Variants in KDM2B observed in about 807,000 individuals in gnomAD.
KDM2B encodes the protein lysine demethylase 2B.
Under a neutral mutation model 150.0 loss-of-function variants are expected in KDM2B, and 26 were observed. The ratio of observed to expected loss-of-function variants is 0.17; its 90% CI spans 0.13 to 0.24. The LOEUF (loss-of-function observed/expected upper bound fraction) is 0.24. Among genes scored for constraint, KDM2B ranks in the 10% least tolerant of loss-of-function variants. The pLI is 1.00. For missense variants in KDM2B, 1,265 were observed against 1,816.9 expected, an observed-to-expected ratio of 0.70 and a Z score of 5.52; for synonymous variants, 734 against 729.5, an observed-to-expected ratio of 1.01 and a Z score of -0.10.
At chr12:121,472,118 GT>G (rs1880835032) in intron 12 of KDM2B, among the ~76,000 whole-genome samples, 1 of 152,108 alleles carries the variant, frequency 6.6e-6, no homozygotes, top group Non-Finnish European at 1.5e-5. Context: ...GCAACACCCT[GT>G]CTCAAAAAAA....
intron 8 of KDM2B, among the ~76,000 whole-genome samples, chr12:121,526,793 A>T (rs1190864130): frequency 6.6e-6 from 1 of 152,052 alleles, no homozygotes; most frequent in Non-Finnish European, 1.5e-5. Flanking sequence ...GCACTTGGGG[A>T]GGCCGAGGCG....
chr12:121,554,086 A>ACACACAC (rs1566411557), intron 4 of KDM2B, among the ~76,000 whole-genome samples: 1 of 88,360 alleles, frequency 1.1e-5, no homozygotes, highest in Non-Finnish European at 2.7e-5. Flanking sequence ...CACACACACA[A>ACACACAC]ATTGGCCAAG....
intron 4 of KDM2B, among the ~76,000 whole-genome samples, chr12:121,553,250 A>C (rs553733983): frequency 6.1e-4 from 93 of 151,238 alleles, no homozygotes; most frequent in African/African-American, 1.6e-3. Context: ...AAAGAAAGAA[A>C]GAACCCCGGT....
At chr12:121,566,014 T>G (rs1890683258) in intron 4 of KDM2B, among the ~76,000 whole-genome samples, 1 of 151,880 alleles carries the variant, frequency 6.6e-6, no homozygotes, top group Non-Finnish European at 1.5e-5. Context: ...CTTGACCTCA[T>G]CTTCCACCAA....
At chr12:121,475,322 C>T (rs1449530170) in intron 12 of KDM2B, among the ~76,000 whole-genome samples, 1 of 151,898 alleles carries the variant, frequency 6.6e-6, no homozygotes, top group Non-Finnish European at 1.5e-5. Context: ...GGTGTGGAAG[C>T]TCATACCCGT....
the KDM2B span, chr12:121,416,378 G>A: frequency 1.2e-6 from 2 of 1,600,446 alleles, no homozygotes; most frequent in East Asian, 2.2e-5. Flanking sequence ...TAGAAAGAAG[G>A]TGAGTTGGAT....
intron 9 of KDM2B, among the ~76,000 whole-genome samples, chr12:121,514,303 G>C (rs901839119): frequency 6.6e-6 from 1 of 152,020 alleles, no homozygotes; most frequent in African/African-American, 2.4e-5. Context: ...ATTTTTTGTA[G>C]AGATGGGGTT....
chr12:121,504,727 C>T (rs1884892602), intron 11 of KDM2B, among the ~76,000 whole-genome samples: 1 of 152,014 alleles, frequency 6.6e-6, no homozygotes, highest in African/African-American at 2.4e-5. Flanking sequence ...TTGGCCGGGG[C>T]GGTGGCTCAT....
chr12:121,448,569 G>A (rs1350090645), intron 13 of KDM2B, among the ~76,000 whole-genome samples: 6 of 152,070 alleles, frequency 3.9e-5, no homozygotes, highest in East Asian at 3.9e-4. Context: ...GCCTCATCCC[G>A]CCCAGTGCAC....
chr12:121,579,547 G>A (rs1555317509), intron 1 of KDM2B: 2 of 1,285,410 alleles, frequency 1.6e-6, no homozygotes, highest in African/African-American at 1.5e-5. Context: ...AGGAGAATCG[G>A]GGCTTGGAAG....
In KDM2B at chr12:121,430,884, C is replaced by A. The variant is rs2137384644; in HGVS notation, c.3830-415G>T. 6.6e-6 allele frequency among the ~76,000 whole-genome samples: 1 copy of A among 152,276 alleles called. No homozygotes were observed. Among genetic ancestry groups the A allele is most frequent in the East Asian group, 1.9e-4 (1 of 5,190 alleles). Reference sequence around the variant, plus strand: ...TCTATTACTGTGCATTTATTTGCCTCCTCCCTTCAGATAAATTCCCAGAGG... The same window carrying A: ...TCTATTACTGTGCATTTATTTGCCTACTCCCTTCAGATAAATTCCCAGAGG... On this transcript the variant is annotated intron_variant, in intron 22 of 22. Transcript: ENST00000377071. This position sits in a 1 kb window ranked among gnomAD's most constrained non-coding sequence, Gnocchi z 4.4.
chr12:121,581,058 G>T, upstream of KDM2B: 2 of 1,051,356 alleles, frequency 1.9e-6, no homozygotes, highest in East Asian at 2.7e-5. Context: ...TTTGCAGTCC[G>T]CAGCTGACCG....
Position 121,549,027 on chromosome 12 carries a change from A to G in KDM2B, c.577-44T>C, listed in dbSNP as rs1439356833. Reference sequence around the variant, plus strand: ...TGAGCACTGCATTTCTCCACTGCCGAGCCAGACACAAATACCCCTTTCCCC... The same window carrying G: ...TGAGCACTGCATTTCTCCACTGCCGGGCCAGACACAAATACCCCTTTCCCC... On this transcript the variant is annotated intron_variant, in intron 5 of 22. Coordinates refer to ENST00000377071, the MANE Select transcript of KDM2B (RefSeq NM_032590.5). This position sits in a 1 kb window ranked among gnomAD's most constrained non-coding sequence, Gnocchi z 4.4. 1 of 1,504,664 alleles carries G rather than the reference A, an allele frequency of 6.6e-7. No individual in the cohort carries two copies. The highest frequency in any genetic ancestry group is 9.2e-7 in the Non-Finnish European group (1 of 1,081,158). 93.2% of individuals were successfully genotyped at this position (1,504,664 alleles called of 1,614,324 possible). A position where few individuals can be genotyped will look rare whatever the true frequency, so the allele number is the denominator to read the frequency against.
At position 121,521,838 on chromosome 12, in the gene KDM2B, G is replaced by C. The variant is rs1330848243; in HGVS notation, c.932-738C>G. On this transcript the variant is annotated intron_variant, in intron 8 of 22. Coordinates refer to ENST00000377071, the MANE Select transcript of KDM2B (RefSeq NM_032590.5). The surrounding 1 kb of genome is among the most constrained non-coding windows in gnomAD (Gnocchi z 4.9). ...GGAAACGGAGGCAGGGCCAGGTGTA[G>C]TGGTGCACCTCTGTGATCCCAGCAC... is the stretch of plus-strand genomic sequence containing the variant. 6.6e-6 allele frequency among the ~76,000 whole-genome samples: 1 copy of C among 152,242 alleles called. No individual in the cohort carries two copies. Among genetic ancestry groups the C allele is most frequent in the Non-Finnish European group, 1.5e-5 (1 of 68,048 alleles).
chr12:121,450,735 T>C (rs1555291413), intron 13 of KDM2B, among the ~76,000 whole-genome samples: 1 of 151,838 alleles, frequency 6.6e-6, no homozygotes, highest in Non-Finnish European at 1.5e-5. Flanking sequence ...TGGCGGGCAC[T>C]GGTAGTCCCA....
intron 4 of KDM2B, among the ~76,000 whole-genome samples, chr12:121,566,599 C>T (rs1475856028): frequency 1.3e-5 from 2 of 151,754 alleles, no homozygotes; most frequent in East Asian, 1.9e-4. Context: ...CCAGCCCGGG[C>T]GACAAGCGAA....
chr12:121,555,804 G>A (rs552645155), intron 4 of KDM2B, among the ~76,000 whole-genome samples: 1 of 152,342 alleles, frequency 6.6e-6, no homozygotes, highest in Non-Finnish European at 1.5e-5. Flanking sequence ...GAATTGGTGT[G>A]TGGTGTTTGG....
intron 6 of KDM2B, among the ~76,000 whole-genome samples, chr12:121,539,711 C>A (rs2141750516): frequency 6.6e-6 from 1 of 152,144 alleles, no homozygotes; most frequent in Admixed American, 6.6e-5. Flanking sequence ...CCACAAGCCT[C>A]ATCAGCCCCT....
At chr12:121,416,228 A>C in the KDM2B span, 2 of 1,614,116 alleles carry the variant, frequency 1.2e-6, no homozygotes, top group Non-Finnish European at 1.7e-6. Flanking sequence ...TGGAGCTGTC[A>C]GGGGCCAGCA....
Sources: allele counts gnomAD v4.1 joint callset (sites outside exome capture counted in the v4.1 genomes callset), GRCh38; gene constraint gnomAD v4.1.1; non-coding constraint Gnocchi (gnomAD v3.1); transcripts MANE v1.5; gene names NCBI Gene and HGNC (gene_info 2026-07-23, HGNC 2026-07-21).